Variants in HDGF observed in about 807,000 individuals in gnomAD.
The protein encoded by HDGF is heparin binding growth factor, also known as hepatoma-derived growth factor.
A neutral mutation model predicts 30.0 loss-of-function variants in HDGF; 5 were observed. The ratio of observed to expected loss-of-function variants is 0.17; its 90% confidence interval spans 0.09 to 0.35. The LOEUF (loss-of-function observed/expected upper bound fraction) is 0.35. Among genes scored for constraint, HDGF ranks in the 10% least tolerant of loss-of-function variants. HDGF has a pLI of 1.00. For synonymous variants in HDGF, 133 were observed against 112.7 expected (o/e 1.18, Z -1.14); for missense variants, 214 against 302.8 (o/e 0.71, Z 2.18).
intron 1 of HDGF, among the ~76,000 whole-genome samples, chr1:156,766,599 C>T (rs1216735444): frequency 6.6e-6 from 1 of 152,104 alleles, no homozygotes; most frequent in Non-Finnish European, 1.5e-5. Context: ...AAAGGAAGGG[C>T]ACTTACAGAG....
intron 1 of HDGF, among the ~76,000 whole-genome samples, chr1:156,764,624 C>T (rs778800832): frequency 7.9e-5 from 12 of 152,096 alleles, no homozygotes; most frequent in African/African-American, 9.7e-5. Flanking sequence ...GATTTATACC[C>T]AATAAGGTGA....
chr1:156,755,154 G>T (rs1451086144), upstream of HDGF, among the ~76,000 whole-genome samples: 1 of 152,186 alleles, frequency 6.6e-6, no homozygotes, highest in Non-Finnish European at 1.5e-5. Flanking sequence ...TTCTGTTGAT[G>T]CTGGTGCGCA....
upstream of HDGF, among the ~76,000 whole-genome samples, chr1:156,754,577 G>T (rs1313708074): frequency 6.6e-6 from 1 of 152,218 alleles, no homozygotes; most frequent in Non-Finnish European, 1.5e-5. Flanking sequence ...CTTCCCCTGG[G>T]ATTCACATCT....
chr1:156,757,370 G>A (rs1333102213), upstream of HDGF, among the ~76,000 whole-genome samples: 3 of 152,024 alleles, frequency 2.0e-5, no homozygotes, highest in Admixed American at 6.6e-5. Context: ...GGAGGCTGGG[G>A]CAGGAGAATC....
intron 1 of HDGF, among the ~76,000 whole-genome samples, chr1:156,748,506 C>A (rs980013837): frequency 2.8e-4 from 42 of 152,216 alleles, no homozygotes; most frequent in African/African-American, 1.0e-3. Flanking sequence ...GGGAACTCGG[C>A]TACCTCTTAA....
At chr1:156,760,856 T>C (rs912107925) in intron 1 of HDGF, among the ~76,000 whole-genome samples, 3 of 150,666 alleles carry the variant, frequency 2.0e-5, no homozygotes, top group African/African-American at 7.4e-5. Flanking sequence ...TTTTTTTTTT[T>C]CTGTATCTTT....
intron 1 of HDGF, 55 bp from the exon 2 acceptor site, chr1:156,745,428 G>T (rs1234845243): frequency 1.3e-6 from 2 of 1,487,944 alleles, no homozygotes; most frequent in African/African-American, 1.4e-5. Context: ...TTGAGCCTGA[G>T]GCAGGGGTGC....
upstream of HDGF, among the ~76,000 whole-genome samples, chr1:156,755,868 A>G (rs1571560179): frequency 1.3e-5 from 2 of 152,236 alleles, no homozygotes; most frequent in East Asian, 3.8e-4. Context: ...CTTTGTGTGT[A>G]ACTTTAGGAA....
rs1290214469 is a variant in HDGF at position 156,751,045 on chromosome 1, G to GGCGGAACTGAGCACGCGGA, written c.87+279_87+297dup. The stretch of plus-strand genomic sequence containing the variant: ...AACCTCTGGGAGTATGGGGGCTGGG[G>GGCGGAACTGAGCACGCGGA]GCGGAACTGAGCACGCGGAGCTGGG... On this transcript the variant is annotated intron_variant, in intron 1 of 5. Coordinates refer to ENST00000357325, the MANE Select transcript of HDGF (RefSeq NM_004494.3). This position sits in a 1 kb window ranked among gnomAD's most constrained non-coding sequence, Gnocchi z 4.7. Among the ~76,000 whole-genome samples the GGCGGAACTGAGCACGCGGA allele has an allele frequency of 6.6e-6, 1 of 152,058 alleles. No homozygotes were observed. Among genetic ancestry groups the GGCGGAACTGAGCACGCGGA allele is most frequent in the Non-Finnish European group, 1.5e-5 (1 of 67,996 alleles).
In HDGF at chr1:156,751,267, G is replaced by C. The variant is rs1209369343; in HGVS notation, c.87+76C>G. 3.0e-5 allele frequency: 46 copies of C among 1,528,742 alleles called. No homozygotes were observed. Among genetic ancestry groups the C allele is most frequent in the Non-Finnish European group, 3.8e-5 (43 of 1,133,340 alleles). The allele number at this position is 1,528,742 out of a possible 1,614,324, so 94.7% of individuals were successfully genotyped here. On this transcript the variant is annotated intron_variant, in intron 1 of 5. Transcript: ENST00000357325. This position sits in a 1 kb window ranked among gnomAD's most constrained non-coding sequence, Gnocchi z 4.7. ...CCCCCACCTCTGCCCGCTCCGCGCG[G>C]AGCGCTCGTGCCCTTCCCGGTGTTA...
chr1:156,743,919 G>C (rs760913905), intron 4 of HDGF, 41 bp from the exon 5 acceptor site: 3 of 1,477,396 alleles, frequency 2.0e-6, no homozygotes, highest in Admixed American at 1.7e-5. Flanking sequence ...AGGCTGGAGA[G>C]GGAGGCCACC....
At chr1:156,744,016 G>A in intron 4 of HDGF, 138 bp from the exon 5 acceptor site, 1 of 1,049,474 alleles carries the variant, frequency 9.5e-7, no homozygotes, top group Non-Finnish European at 1.5e-6. Context: ...TGCCTTCTGT[G>A]TCCCATCTGG....
upstream of HDGF, among the ~76,000 whole-genome samples, chr1:156,754,878 GTGGAGGT>G (rs1212720614): frequency 1.3e-5 from 2 of 152,330 alleles, no homozygotes; most frequent in East Asian, 3.9e-4. Context: ...AACCCAGGAG[GTGGAGGT>G]TGCAGTGAGC....
chr1:156,758,612 T>TAA (rs1234235857), intron 2 of HDGF, among the ~76,000 whole-genome samples: 5 of 109,916 alleles, frequency 4.5e-5, no homozygotes, highest in Admixed American at 2.0e-4. Flanking sequence ...AATAAATAAA[T>TAA]AAATAAATAA....
chr1:156,763,840 G>A (rs538605095), intron 1 of HDGF, among the ~76,000 whole-genome samples: 1 of 152,044 alleles, frequency 6.6e-6, no homozygotes, highest in East Asian at 1.9e-4. Context: ...CACCTGCCTT[G>A]GCCTCCCAAA....
At chr1:156,747,646 G>C (rs1161661668) in intron 1 of HDGF, among the ~76,000 whole-genome samples, 1 of 152,080 alleles carries the variant, frequency 6.6e-6, no homozygotes, top group Non-Finnish European at 1.5e-5. Context: ...AACCAGGGGT[G>C]GGGGTGGGGA....
rs1196683401 is a variant in HDGF, at chr1:156,745,015, C to G, written c.296G>C (p.Gly99Ala). 9 of 1,613,934 alleles carry G rather than the reference C, an allele frequency of 5.6e-6. No homozygotes were observed. The highest frequency in any genetic ancestry group is 1.3e-5 in the African/African-American group (1 of 74,906). The change falls in exon 3 of 6, where the codon GGC becomes GCC. Residue 99 changes from glycine (G) to alanine (A), a missense_variant. This residue lies in a region of HDGF where 176 missense variants were observed against 211.7 expected (regional missense o/e 0.83). Transcript: ENST00000357325. ...IENNPTVKASGYQSSQKKSCV... is the reference protein window; with the variant it reads ...IENNPTVKASAYQSSQKKSCV... ...GGGCAGGCGGTGGCTCACCTGATAGCCGGAAGCCTTGACAGTAGGGTTGTT... is the reference window on the plus strand; with the variant it reads ...GGGCAGGCGGTGGCTCACCTGATAGGCGGAAGCCTTGACAGTAGGGTTGTT...
chr1:156,744,636 A>ACCCCCCCCCCCCCCCCCCCCCCCCC (rs1650394813), intron 3 of HDGF: 1 of 858,028 alleles, frequency 1.2e-6, no homozygotes, highest in African/African-American at 2.5e-5. Flanking sequence ...TTCCCCGCCA[A>ACCCCCCCCCCCCCCCCCCCCCCCCC]CCCCCGCCCC....
intron 1 of HDGF, among the ~76,000 whole-genome samples, chr1:156,748,200 A>AATTTCT (rs1650724454): frequency 6.6e-6 from 1 of 152,120 alleles, no homozygotes; most frequent in South Asian, 2.1e-4. Flanking sequence ...CACTTGATGG[A>AATTTCT]ATTTCTAACC....
Sources: gnomAD v4.1 joint callset for allele counts (sites outside exome capture counted in the v4.1 genomes callset) on GRCh38, gnomAD v4.1.1 for gene constraint, gnomAD v4.1.1 regional missense constraint, Gnocchi (gnomAD v3.1) non-coding constraint, MANE v1.5 for transcripts, NCBI Gene and HGNC (gene_info 2026-07-23, HGNC 2026-07-21) for gene names.